The following NALCN variants were observed in gnomAD, a reference collection of about 807,000 sequenced individuals.
NALCN encodes sodium leak channel, non-selective, also known as sodium leak channel NALCN.
Under a neutral mutation model 225.3 loss-of-function variants are expected in NALCN, and 111 were observed. The ratio of observed to expected loss-of-function variants is 0.49; its 90% CI spans 0.42 to 0.58. The LOEUF (loss-of-function observed/expected upper bound fraction) is 0.58, where lower values mean the gene tolerates loss of function less well. Among genes scored for constraint, NALCN ranks in the 20% least tolerant of loss-of-function variants. NALCN has a pLI of 0.00. For synonymous variants in NALCN, 764 were observed against 769.0 expected (o/e 0.99, Z 0.11); for missense variants, 1,378 against 2,202.4 (o/e 0.63, Z 7.49).
chr13:101,084,737 T>C (rs1038801148), intron 30 of NALCN, among the ~76,000 whole-genome samples: 3 of 152,230 alleles, frequency 2.0e-5, no homozygotes, highest in Admixed American at 6.5e-5. Flanking sequence ...TTTTGATTTA[T>C]GGACTATAAC....
At chr13:101,065,653 A>C in intron 39 of NALCN, 92 bp from the exon 40 acceptor site, 1 of 1,473,290 alleles carries the variant, frequency 6.8e-7, no homozygotes, top group African/African-American at 1.4e-5. Flanking sequence ...GCTATTTCTC[A>C]AAAGCTAGCA....
intron 15 of NALCN, among the ~76,000 whole-genome samples, chr13:101,161,870 AAAAC>A (rs147476326): frequency 0.012 from 1,789 of 152,266 alleles, 34 homozygotes; most frequent in African/African-American, 0.042. Context: ...AGACTGTCTC[AAAAC>A]AAACAAACAA....
chr13:101,090,825 G>A (rs1431931941), intron 28 of NALCN, among the ~76,000 whole-genome samples: 4 of 152,104 alleles, frequency 2.6e-5, no homozygotes, highest in Non-Finnish European at 5.9e-5. Flanking sequence ...GATAGTGCAC[G>A]CAGAATCCAA....
At chr13:101,071,269 T>A (rs532289434) in intron 37 of NALCN, among the ~76,000 whole-genome samples, 1 of 152,312 alleles carries the variant, frequency 6.6e-6, no homozygotes, top group South Asian at 2.1e-4. Flanking sequence ...ACAGAGTAAG[T>A]CTGTTATTTG....
chr13:101,273,246 C>T (rs946397136), intron 10 of NALCN, among the ~76,000 whole-genome samples: 2 of 152,162 alleles, frequency 1.3e-5, no homozygotes, highest in Non-Finnish European at 1.5e-5. Context: ...TCACAGCAGC[C>T]GCTGAGGAAT....
intron 7 of NALCN, among the ~76,000 whole-genome samples, chr13:101,335,174 C>G (rs2045337491): frequency 6.6e-6 from 1 of 152,136 alleles, no homozygotes; most frequent in Admixed American, 6.5e-5. Flanking sequence ...TATCTTTTCT[C>G]ATCCATTCAA....
chr13:101,196,886 TG>T (rs984753769), intron 13 of NALCN, among the ~76,000 whole-genome samples: 1 of 152,164 alleles, frequency 6.6e-6, no homozygotes, highest in African/African-American at 2.4e-5. Flanking sequence ...GGACAACTCC[TG>T]GGGCTTTCGA....
At chr13:101,137,416 T>G (rs2036855269) in intron 17 of NALCN, among the ~76,000 whole-genome samples, 1 of 152,150 alleles carries the variant, frequency 6.6e-6, no homozygotes, top group Non-Finnish European at 1.5e-5. Context: ...CAAACATTCA[T>G]TCATCCTGGA....
At chr13:101,067,049 G>T (rs992435399) in intron 39 of NALCN, among the ~76,000 whole-genome samples, 1 of 151,708 alleles carries the variant, frequency 6.6e-6, no homozygotes, top group African/African-American at 2.4e-5. Flanking sequence ...CCACCTATTA[G>T]ACTGTAAGCT....
At chr13:101,168,113 A>C (rs2038541817) in intron 15 of NALCN, among the ~76,000 whole-genome samples, 1 of 152,090 alleles carries the variant, frequency 6.6e-6, no homozygotes, top group South Asian at 2.1e-4. Flanking sequence ...CTTGGTGACA[A>C]ACACATTCTA....
intron 10 of NALCN, among the ~76,000 whole-genome samples, chr13:101,266,888 T>C (rs368214834): frequency 6.6e-6 from 1 of 152,216 alleles, no homozygotes; most frequent in African/African-American, 2.4e-5. Context: ...AATTATTCTG[T>C]CCAATACAAA....
chr13:101,237,099 T>C lies in NALCN; in HGVS notation c.1434+656A>G, dbSNP rs1477852694. Among the ~76,000 whole-genome samples the C allele has an allele frequency of 2.6e-5, 4 of 152,058 alleles. No individual in the cohort carries two copies. The South Asian group carries it at 8.3e-4, about 31-fold the overall frequency. On this transcript the variant is annotated intron_variant, in intron 12 of 43. Coordinates refer to ENST00000251127, the MANE Select transcript of NALCN (RefSeq NM_052867.4). ...TACCAGGACAGTGAGCGTGTTGCTA[T>C]ATTCAATAATAACAAAGAATGTAAC...
intron 3 of NALCN, among the ~76,000 whole-genome samples, chr13:101,382,263 G>A (rs1474930522): frequency 7.4e-6 from 1 of 135,962 alleles, no homozygotes; most frequent in East Asian, 2.4e-4. Flanking sequence ...GTTAACAAAT[G>A]AGGATAAACA....
intron 37 of NALCN, among the ~76,000 whole-genome samples, chr13:101,070,354 C>G (rs1056614982): frequency 6.6e-6 from 1 of 152,198 alleles, no homozygotes; most frequent in African/African-American, 2.4e-5. Flanking sequence ...GCGTGAGCCA[C>G]TGCGCCTGGC....
At chr13:101,135,103 G>C (rs190963311) in intron 17 of NALCN, among the ~76,000 whole-genome samples, 2,879 of 152,270 alleles carry the variant, frequency 0.019, 102 homozygotes, top group African/African-American at 0.066. Context: ...GCTGAGGCAG[G>C]AGAATGGCGT....
At chr13:101,207,812 C>T (rs2040371719) in intron 13 of NALCN, among the ~76,000 whole-genome samples, 2 of 152,214 alleles carry the variant, frequency 1.3e-5, no homozygotes, top group African/African-American at 2.4e-5. Context: ...GCTTGGGTCC[C>T]CTTCCGTGCT....
At chr13:101,144,253 T>C (rs2037232086) in intron 16 of NALCN, among the ~76,000 whole-genome samples, 1 of 152,184 alleles carries the variant, frequency 6.6e-6, no homozygotes. Context: ...AACGCCACGG[T>C]TCTTCTTTTA....
At chr13:101,314,574 C>T (rs1171336240) in intron 7 of NALCN, among the ~76,000 whole-genome samples, 1 of 152,188 alleles carries the variant, frequency 6.6e-6, no homozygotes, top group Non-Finnish European at 1.5e-5. Context: ...TGGGGACTAG[C>T]TGTACATACC....
intron 7 of NALCN, among the ~76,000 whole-genome samples, chr13:101,304,832 T>A (rs1264344781): frequency 6.7e-6 from 1 of 148,206 alleles, no homozygotes; most frequent in Non-Finnish European, 1.5e-5. Flanking sequence ...CTCAGCTCGC[T>A]GCAATCTCCG....
Sources: allele counts gnomAD v4.1 joint callset (sites outside exome capture counted in the v4.1 genomes callset), GRCh38; gene constraint gnomAD v4.1.1; transcripts MANE v1.5; gene names NCBI Gene and HGNC (gene_info 2026-07-23, HGNC 2026-07-21).